TCF20: variants seen among roughly 807,000 people sequenced by gnomAD.
TCF20 encodes transcription factor 20, also known as SPRE-binding protein.
A neutral mutation model predicts 148.6 loss-of-function variants in TCF20; 3 were observed. The ratio of observed to expected loss-of-function variants is 0.02; its 90% CI spans 0.01 to 0.05. The LOEUF (loss-of-function observed/expected upper bound fraction) is 0.05, where lower values mean the gene tolerates loss of function less well. TCF20 is among the 10% of genes least tolerant of loss of function. TCF20 has a pLI of 1.00. For missense variants in TCF20, 2,350 were observed against 2,429.3 expected (o/e 0.97, Z 0.69); for synonymous variants, 1,049 against 909.5 (o/e 1.15, Z -2.76).
rs1569209666 is a variant in TCF20, at chr22:42,323,902, GAGGTGGTGGTGGTGATGGAGGTTA to G, written c.-37+19553_-37+19576del. On this transcript the variant is annotated intron_variant, in intron 1 of 1. Transcript: ENST00000515426. Reference sequence around the variant, plus strand: ...GGTGGTGATGGAGGTTATGGTGGTGGAGGTGGTGGTGGTGATGGAGGTTATGGTGGTGGTGGTGGTGATGGAGGT... The same window carrying G: ...GGTGGTGATGGAGGTTATGGTGGTGGTGGTGGTGGTGGTGGTGATGGAGGT... Among the ~76,000 whole-genome samples, 21 of 41,838 alleles carry G rather than the reference GAGGTGGTGGTGGTGATGGAGGTTA, an allele frequency of 5.0e-4. 2 individuals carry two copies. The highest frequency in any genetic ancestry group is 1.8e-3 in the East Asian group (2 of 1,084). 27.4% of individuals were successfully genotyped at this position (41,838 alleles called of 152,430 possible).
At position 42,267,681 on chromosome 22, in the gene TCF20, C is replaced by CAG. The variant is rs562944060; in HGVS notation, c.-37+2656_-37+2657dup. On this transcript the variant is annotated intron_variant, in intron 1 of 5. Coordinates refer to ENST00000677622, the MANE Select transcript of TCF20 (RefSeq NM_001378418.1). ...GTGCCACTGCACTCCAGCCTGGCAACAGAGAGAGACTCTGTCTCAAAAAAA... is the reference window on the plus strand; with the variant it reads ...GTGCCACTGCACTCCAGCCTGGCAACAGAGAGAGAGACTCTGTCTCAAAAAAA... Among the ~76,000 whole-genome samples, 119 of 148,792 alleles carry CAG rather than the reference C, an allele frequency of 8.0e-4. 1 individual carries two copies. Among genetic ancestry groups the CAG allele is most frequent in the Admixed American group, 3.0e-3 (45 of 15,012 alleles).
At chr22:42,164,688 T>A (rs1472237568) in intron 5 of TCF20, among the ~76,000 whole-genome samples, 2 of 152,150 alleles carry the variant, frequency 1.3e-5, no homozygotes, top group African/African-American at 4.8e-5. Flanking sequence ...GATCTGAAAT[T>A]GTGGTGATGC....
intron 3 of TCF20, among the ~76,000 whole-genome samples, chr22:42,174,398 G>A (rs980081557): frequency 2.0e-5 from 3 of 152,116 alleles, no homozygotes; most frequent in Non-Finnish European, 4.4e-5. Context: ...AGCAGAACGG[G>A]GGCAGCCTCC....
Position 42,195,157 on chromosome 22 carries a change from G to A in TCF20, c.5655+14494C>T, listed in dbSNP as rs1046537476. Among the ~76,000 whole-genome samples the A allele has an allele frequency of 1.3e-5, 2 of 149,420 alleles. 1 individual carries two copies. The highest frequency in any genetic ancestry group is 4.3e-4 in the South Asian group (2 of 4,642). The stretch of plus-strand genomic sequence containing the variant: ...GAAGAACAGGTTTGGTGGTGATTCA[G>A]GAGTTGTGTTTTTCAACATTCAGGT... On this transcript the variant is annotated intron_variant, in intron 2 of 5. Transcript: ENST00000677622.
At chr22:42,181,121 A>T (rs577324368) in intron 2 of TCF20, among the ~76,000 whole-genome samples, 2 of 152,334 alleles carry the variant, frequency 1.3e-5, no homozygotes, top group Admixed American at 6.5e-5. Context: ...AATCAAAAGG[A>T]CTATCAACTT....
intron 1 of TCF20, among the ~76,000 whole-genome samples, chr22:42,326,234 C>G (rs1331255629): frequency 1.3e-5 from 2 of 152,254 alleles, no homozygotes; most frequent in East Asian, 1.9e-4. Flanking sequence ...CCCAAGTGCC[C>G]GTGAGATCAC....
At chr22:42,179,813 G>A (rs1400931595) in intron 2 of TCF20, 111 bp from the exon 3 acceptor site, 2 of 721,098 alleles carry the variant, frequency 2.8e-6, no homozygotes, top group Admixed American at 2.1e-5. Flanking sequence ...TGTGGTTAGA[G>A]GAGTCCGTGG....
At chr22:42,280,880 T>C (rs1489677884) in intron 1 of TCF20, among the ~76,000 whole-genome samples, 1 of 152,216 alleles carries the variant, frequency 6.6e-6, no homozygotes, top group Non-Finnish European at 1.5e-5. Flanking sequence ...GGTATTATTA[T>C]TACCCAAGAA....
intron 1 of TCF20, among the ~76,000 whole-genome samples, chr22:42,283,466 T>TGCC (rs1421774028): frequency 6.6e-6 from 1 of 151,976 alleles, no homozygotes; most frequent in African/African-American, 2.4e-5. Context: ...CCCGGGGCCC[T>TGCC]GCCCTTCACG....
intron 1 of TCF20, among the ~76,000 whole-genome samples, chr22:42,228,298 C>A (rs1923089916): frequency 6.6e-6 from 1 of 152,146 alleles, no homozygotes. Context: ...ACAGAAATTG[C>A]TAACGGATCA....
Position 42,214,799 on chromosome 22 carries a change from C to T in TCF20, c.507G>A (p.Gln169=), listed in dbSNP as rs745906395. ...GCTGCTGCTGCTGGCTGGAAGCCTG[C>T]TGTTGGTACTGAGCACTCCCTGGAG... ...PFSPGSAQYQ[Q]QASSQQQQQQ... Residue 169 remains glutamine (Q), a synonymous_variant, in exon 2 of 6, where the codon CAG becomes CAA. Transcript: ENST00000677622. 6.8e-6 allele frequency: 11 copies of T among 1,613,994 alleles called. No individual in the cohort carries two copies. Among genetic ancestry groups the T allele is most frequent in the Non-Finnish European group, 7.6e-6 (9 of 1,180,048 alleles).
chr22:42,239,744 G>A (rs1223919697), intron 1 of TCF20, among the ~76,000 whole-genome samples: 3 of 152,136 alleles, frequency 2.0e-5, no homozygotes, highest in Non-Finnish European at 2.9e-5. Flanking sequence ...CCGAGATGGC[G>A]CCACTTCACT....
At chr22:42,217,546 G>A (rs546759191) in intron 1 of TCF20, among the ~76,000 whole-genome samples, 1 of 152,212 alleles carries the variant, frequency 6.6e-6, no homozygotes, top group Non-Finnish European at 1.5e-5. Flanking sequence ...ACTGTTCCTT[G>A]CTGTAATCCT....
intron 1 of TCF20, among the ~76,000 whole-genome samples, chr22:42,306,304 G>A (rs142813206): frequency 0.023 from 3,446 of 152,384 alleles, 67 homozygotes; most frequent in Non-Finnish European, 0.035. Flanking sequence ...AAAGTGGCGC[G>A]AGGGCTGATG....
intron 2 of TCF20, among the ~76,000 whole-genome samples, chr22:42,191,799 G>A (rs542558322): frequency 5.9e-5 from 9 of 152,322 alleles, no homozygotes; most frequent in South Asian, 2.1e-4. Flanking sequence ...CTAGGTATAA[G>A]CCATTGATTA....
At chr22:42,191,608 A>G (rs1425063751) in intron 2 of TCF20, among the ~76,000 whole-genome samples, 2 of 152,168 alleles carry the variant, frequency 1.3e-5, no homozygotes, top group Admixed American at 6.6e-5. Context: ...TCTTATCTAC[A>G]GTTATATATA....
Position 42,297,606 on chromosome 22 carries a change from GAGCTCAGCCCCC to G in TCF20, c.-37+45861_-37+45872del, listed in dbSNP as rs1006793987. Reference sequence around the variant, plus strand: ...TGAAAGCCCATGATCCCTGAGCCTCGAGCTCAGCCCCCAGGAGCTTCCCCTTCATAACCTCTT... The same window carrying G: ...TGAAAGCCCATGATCCCTGAGCCTCGAGGAGCTTCCCCTTCATAACCTCTT... On this transcript the variant is annotated intron_variant, in intron 1 of 1. Transcript: ENST00000515426. The surrounding 1 kb of genome is among the most constrained non-coding windows in gnomAD (Gnocchi z 4.3). 3.3e-5 allele frequency among the ~76,000 whole-genome samples: 5 copies of G among 152,150 alleles called. No homozygotes were observed. The highest frequency in any genetic ancestry group is 7.4e-5 in the Non-Finnish European group (5 of 68,012).
At chr22:42,244,116 A>G (rs1325010878) in intron 1 of TCF20, among the ~76,000 whole-genome samples, 1 of 152,132 alleles carries the variant, frequency 6.6e-6, no homozygotes, top group African/African-American at 2.4e-5. Context: ...AAGCAAGAGA[A>G]TCACTCGAGC....
intron 3 of TCF20, among the ~76,000 whole-genome samples, chr22:42,177,993 C>T (rs1407934823): frequency 2.6e-5 from 4 of 152,042 alleles, no homozygotes; most frequent in Non-Finnish European, 4.4e-5. Flanking sequence ...CTACCCACCC[C>T]ACTCCAGGAA....
Sources: allele counts gnomAD v4.1 joint callset (sites outside exome capture counted in the v4.1 genomes callset), GRCh38; gene constraint gnomAD v4.1.1; non-coding constraint Gnocchi (gnomAD v3.1); transcripts MANE v1.5; gene names NCBI Gene and HGNC (gene_info 2026-07-23, HGNC 2026-07-21).